The following PTPRK variants were observed in gnomAD, a reference collection of about 807,000 sequenced individuals.
The protein encoded by PTPRK is receptor-type tyrosine-protein phosphatase kappa.
PTPRK carries 75 observed loss-of-function variants against 178.0 expected under a neutral mutation model. The ratio of observed to expected loss-of-function variants is 0.42; its 90% CI spans 0.35 to 0.51. The LOEUF is 0.51. Among genes scored for constraint, PTPRK ranks in the 20% least tolerant of loss-of-function variants. The probability of loss-of-function intolerance (pLI) is 0.02; values close to 1 mark genes in which losing one functional copy is unlikely to be tolerated. For missense variants in PTPRK, 1,441 were observed against 1,797.8 expected, an observed-to-expected ratio of 0.80 and a Z score of 3.59; for synonymous variants, 637 against 620.6, an observed-to-expected ratio of 1.03 and a Z score of -0.39.
At chr6:128,404,689 G>A (rs1308145369) in intron 1 of PTPRK, among the ~76,000 whole-genome samples, 1 of 152,118 alleles carries the variant, frequency 6.6e-6, no homozygotes, top group East Asian at 1.9e-4. Context: ...CTCATTATTG[G>A]AGCTAATGGG....
intron 2 of PTPRK, among the ~76,000 whole-genome samples, chr6:128,369,764 G>A (rs1315030149): frequency 6.6e-6 from 1 of 152,008 alleles, no homozygotes; most frequent in Admixed American, 6.6e-5. Flanking sequence ...CCACAAAGAC[G>A]TGGATGCCAT....
intron 2 of PTPRK, among the ~76,000 whole-genome samples, chr6:128,332,570 C>T (rs1830418480): frequency 6.6e-6 from 1 of 152,184 alleles, no homozygotes; most frequent in Admixed American, 6.5e-5. Flanking sequence ...TTCCACCAAA[C>T]AGTAAAGAAA....
At chr6:128,416,134 G>A (rs1252862256) in intron 1 of PTPRK, among the ~76,000 whole-genome samples, 2 of 152,040 alleles carry the variant, frequency 1.3e-5, no homozygotes, top group East Asian at 3.9e-4. Flanking sequence ...ATGTGTACAG[G>A]CAGCAATAGG....
At chr6:128,357,417 T>C (rs1338099300) in intron 2 of PTPRK, among the ~76,000 whole-genome samples, 1 of 152,150 alleles carries the variant, frequency 6.6e-6, no homozygotes, top group Non-Finnish European at 1.5e-5. Flanking sequence ...TTACCAGTTG[T>C]ATAACATCAT....
At chr6:128,090,045 C>T (rs935455006) in intron 7 of PTPRK, 53 bp from the exon 8 acceptor site, 1 of 1,407,156 alleles carries the variant, frequency 7.1e-7, no homozygotes, top group South Asian at 1.2e-5. Context: ...ATGAATAATC[C>T]TGGAAAAATA....
At position 128,195,374 on chromosome 6, in the gene PTPRK, C is replaced by G. The variant is rs190017831; in HGVS notation, c.869-10649G>C. On this transcript the variant is annotated intron_variant, in intron 6 of 29. Coordinates refer to ENST00000368226, the MANE Select transcript of PTPRK (RefSeq NM_002844.4). The stretch of plus-strand genomic sequence containing the variant: ...GAAGTCAATATTAAGCACATGAAAC[C>G]AACAACTGATGACCATTTTAAAATG... Among the ~76,000 whole-genome samples, 328 of 151,916 alleles carry G rather than the reference C, an allele frequency of 2.2e-3. 2 individuals carry two copies. The highest frequency in any genetic ancestry group is 6.5e-3 in the Admixed American group (99 of 15,272).
intron 7 of PTPRK, among the ~76,000 whole-genome samples, chr6:128,165,664 T>C (rs1219083224): frequency 3.3e-5 from 5 of 151,336 alleles, no homozygotes; most frequent in Non-Finnish European, 5.9e-5. Context: ...AGTAAAATTA[T>C]GGAGCTGTTC....
intron 1 of PTPRK, among the ~76,000 whole-genome samples, chr6:128,496,535 C>G (rs1854684989): frequency 1.3e-5 from 2 of 152,124 alleles, no homozygotes; most frequent in Admixed American, 6.6e-5. Context: ...AGTGAAGTGA[C>G]AACTTTAAGA....
intron 3 of PTPRK, among the ~76,000 whole-genome samples, chr6:128,315,840 C>T (rs1413023819): frequency 6.6e-6 from 1 of 152,042 alleles, no homozygotes; most frequent in Non-Finnish European, 1.5e-5. Flanking sequence ...TTTGTTTGTC[C>T]CTTATAACAC....
At chr6:128,342,890 C>T (rs73589542) in intron 2 of PTPRK, among the ~76,000 whole-genome samples, 2,062 of 151,860 alleles carry the variant, frequency 0.014, 45 homozygotes, top group African/African-American at 0.047. Context: ...AGTTTGAATC[C>T]AGCCTGGGCA....
At chr6:128,520,057 A>C (rs1444241260) in intron 1 of PTPRK, among the ~76,000 whole-genome samples, 1 of 152,100 alleles carries the variant, frequency 6.6e-6, no homozygotes, top group Non-Finnish European at 1.5e-5. Flanking sequence ...AGCCCCGAGC[A>C]AGCTTCGGAG....
intron 7 of PTPRK, among the ~76,000 whole-genome samples, chr6:128,132,376 A>G (rs1295884648): frequency 6.6e-6 from 1 of 152,144 alleles, no homozygotes; most frequent in Non-Finnish European, 1.5e-5. Flanking sequence ...GGGTTTCACC[A>G]TTAGCCAGGA....
At chr6:128,443,777 G>C (rs1247166657) in intron 1 of PTPRK, among the ~76,000 whole-genome samples, 2 of 152,186 alleles carry the variant, frequency 1.3e-5, no homozygotes, top group African/African-American at 4.8e-5. Flanking sequence ...TGCTATGCCT[G>C]GGAAATAAGC....
intron 7 of PTPRK, among the ~76,000 whole-genome samples, chr6:128,134,187 T>C (rs950777886): frequency 3.9e-5 from 6 of 152,190 alleles, no homozygotes; most frequent in Non-Finnish European, 8.8e-5. Flanking sequence ...AACATACTTA[T>C]GTATTTATAG....
At chr6:128,152,089 C>T (rs993334699) in intron 7 of PTPRK, among the ~76,000 whole-genome samples, 1 of 151,828 alleles carries the variant, frequency 6.6e-6, no homozygotes, top group African/African-American at 2.4e-5. Flanking sequence ...GTAAGTGCCA[C>T]AAGGTCAGGA....
intron 1 of PTPRK, among the ~76,000 whole-genome samples, chr6:128,466,474 C>T (rs901097776): frequency 2.0e-5 from 3 of 152,138 alleles, no homozygotes; most frequent in African/African-American, 7.2e-5. Flanking sequence ...GCATAATGTA[C>T]AAGAGCCTCC....
chr6:128,459,605 A>C (rs369234623), intron 1 of PTPRK, among the ~76,000 whole-genome samples: 7 of 152,346 alleles, frequency 4.6e-5, no homozygotes, highest in African/African-American at 1.7e-4. Flanking sequence ...AAATGCTCAT[A>C]GTCTGTTGCT....
In PTPRK at chr6:127,998,853, C is replaced by T. The variant is rs149112314; in HGVS notation, c.2546G>A (p.Arg849His). ...GGATTCCGTCCCCTCACAGAGGTAGCGAGGTACGTCTAGAAGGCGACTGGA... is the reference window on the plus strand; with the variant it reads ...GGATTCCGTCCCCTCACAGAGGTAGTGAGGTACGTCTAGAAGGCGACTGGA... ...AESSRLLDVP[R>H]YLCEGTESPY... The change falls in exon 16 of 30, where the codon CGC becomes CAC. Residue 849 changes from arginine (R) to histidine (H), a missense_variant. Transcript: ENST00000368226. 64 of 1,602,822 alleles carry T rather than the reference C, an allele frequency of 4.0e-5. No individual in the cohort carries two copies. Among genetic ancestry groups the T allele is most frequent in the Non-Finnish European group, 5.0e-5 (59 of 1,173,012 alleles).
chr6:128,081,431 C>T (rs1027323765), intron 10 of PTPRK, among the ~76,000 whole-genome samples: 2 of 151,852 alleles, frequency 1.3e-5, no homozygotes, highest in African/African-American at 4.8e-5. Context: ...TTATACTCAA[C>T]ACGTTTGCAA....
Sources: gnomAD v4.1 joint callset for allele counts (sites outside exome capture counted in the v4.1 genomes callset) on GRCh38, gnomAD v4.1.1 for gene constraint, MANE v1.5 for transcripts, NCBI Gene and HGNC (gene_info 2026-07-23, HGNC 2026-07-21) for gene names.